Variants in MAGED1 observed in about 807,000 individuals in gnomAD.
MAGED1 encodes the protein MAGE family member D1, also known as melanoma-associated antigen D1.
Under a neutral mutation model 54.1 loss-of-function variants are expected in MAGED1, and 3 were observed. The ratio of observed to expected loss-of-function variants is 0.06; its 90% CI spans 0.03 to 0.14. The LOEUF is 0.14. MAGED1 is among the 10% of genes least tolerant of loss of function. The probability of loss-of-function intolerance (pLI) is 1.00; values close to 1 mark genes in which losing one functional copy is unlikely to be tolerated. For missense variants in MAGED1, 485 were observed against 623.4 expected, an observed-to-expected ratio of 0.78 and a Z score of 2.36; for synonymous variants, 217 against 227.3, an observed-to-expected ratio of 0.95 and a Z score of 0.41.
intron 1 of MAGED1, among the ~76,000 whole-genome samples, chrX:51,886,187 G>A (rs781873054): frequency 1.8e-5 from 2 of 109,206 alleles, no homozygotes; most frequent in East Asian, 3.0e-4. Context: ...CAGTTAGATA[G>A]TAGGAATAAG....
At chrX:51,829,229 G>A (rs1925969477) in intron 1 of MAGED1, among the ~76,000 whole-genome samples, 1 of 111,455 alleles carries the variant, frequency 9.0e-6, no homozygotes, top group South Asian at 3.8e-4. Flanking sequence ...CAAATGTGGC[G>A]AGGAGCTCAG....
intron 1 of MAGED1, among the ~76,000 whole-genome samples, chrX:51,866,027 C>T (rs1254413618): frequency 8.9e-6 from 1 of 111,989 alleles, no homozygotes; most frequent in Non-Finnish European, 1.9e-5. Flanking sequence ...CCTGTGGAAC[C>T]ATAAACTAAT....
Position 51,820,333 on chromosome X carries a change from G to A in MAGED1, c.-37+17216G>A, listed in dbSNP as rs138473314. 7.0e-3 allele frequency among the ~76,000 whole-genome samples: 789 copies of A among 112,049 alleles called. 8 individuals carry two copies. Among genetic ancestry groups the A allele is most frequent in the Non-Finnish European group, 0.012 (632 of 53,164 alleles). The stretch of plus-strand genomic sequence containing the variant: ...ACAGAAGGTATTTAGAATTTCAATA[G>A]GAATTTCAGTGAATCTATAGATCAG... On this transcript the variant is annotated intron_variant, in intron 1 of 12. Coordinates refer to the MAGED1 transcript ENST00000375772.
At chrX:51,879,395 C>CT (rs200523439) in intron 1 of MAGED1, among the ~76,000 whole-genome samples, 2 of 110,319 alleles carry the variant, frequency 1.8e-5, no homozygotes, top group South Asian at 7.6e-4. Flanking sequence ...TTCTCCTTTA[C>CT]TTTTTTTTTC....
chrX:51,863,518 T>C (rs1927354545), intron 1 of MAGED1, among the ~76,000 whole-genome samples: 1 of 112,009 alleles, frequency 8.9e-6, no homozygotes, highest in Non-Finnish European at 1.9e-5. Flanking sequence ...TGCTGGATCA[T>C]ATGTTCAATT....
chrX:51,882,118 A>G (rs1243675443), intron 1 of MAGED1, among the ~76,000 whole-genome samples: 1 of 112,147 alleles, frequency 8.9e-6, no homozygotes, highest in Non-Finnish European at 1.9e-5. Context: ...AAAACTACTT[A>G]TCAAAAAGCC....
intron 1 of MAGED1, among the ~76,000 whole-genome samples, chrX:51,853,214 T>C (rs187188778): frequency 1.9e-3 from 211 of 112,371 alleles, no homozygotes; most frequent in African/African-American, 6.4e-3. Flanking sequence ...TGTTATGGCT[T>C]CCTGTTGCTT....
intron 1 of MAGED1, among the ~76,000 whole-genome samples, chrX:51,839,599 A>AT (rs1254701470): frequency 7.1e-5 from 8 of 111,968 alleles, no homozygotes; most frequent in East Asian, 5.6e-4. Context: ...TTAAGCTTGC[A>AT]TTTTTTTCTA....
chrX:51,884,524 A>G (rs1557362693), intron 1 of MAGED1, among the ~76,000 whole-genome samples: 1 of 112,368 alleles, frequency 8.9e-6, no homozygotes, highest in African/African-American at 3.2e-5. Context: ...GGCCAAAGGA[A>G]GTTCTTATAA....
At chrX:51,877,902 T>C (rs1343381761) in intron 1 of MAGED1, among the ~76,000 whole-genome samples, 1 of 111,902 alleles carries the variant, frequency 8.9e-6, no homozygotes, top group African/African-American at 3.2e-5. Flanking sequence ...GCTGAACTCA[T>C]ATGACTTTTC....
chrX:51,867,170 A>G (rs2146991520), intron 1 of MAGED1, among the ~76,000 whole-genome samples: 1 of 111,829 alleles, frequency 8.9e-6, no homozygotes, highest in African/African-American at 3.2e-5. Context: ...AACCACCATA[A>G]GCAATGGTGA....
chrX:51,822,346 A>AT (rs1395767684), intron 1 of MAGED1, among the ~76,000 whole-genome samples: 9 of 111,108 alleles, frequency 8.1e-5, no homozygotes, highest in South Asian at 3.7e-4. Flanking sequence ...TATTTATAGC[A>AT]TTTTTTTATA....
chrX:51,846,077 G>T (rs945962140), intron 1 of MAGED1, among the ~76,000 whole-genome samples: 2 of 111,614 alleles, frequency 1.8e-5, no homozygotes, highest in African/African-American at 6.5e-5. Context: ...TGCCCGGCCC[G>T]ATGTGAATCT....
In MAGED1 at chrX:51,901,918, C is replaced by T. The variant is rs781787225; in HGVS notation, c.2325C>T (p.Phe775=). The T allele has an allele frequency of 2.5e-6, 3 of 1,205,078 alleles. No homozygotes were observed. The highest frequency in any genetic ancestry group is 3.4e-6 in the Non-Finnish European group (3 of 892,507). The part of the protein sequence containing the change: ...FAANFGAIGF[F]WVE ...CCAACTTTGGTGCCATTGGTTTCTT[C>T]TGGGTTGAGTGAGATGTTGGGTAGG... is the stretch of plus-strand genomic sequence containing the variant. Residue 775 remains phenylalanine, a synonymous_variant, in exon 12 of 13, where the codon TTC becomes TTT. Transcript: ENST00000326587.
chrX:51,873,478 CAG>C (rs1376193665), intron 1 of MAGED1, among the ~76,000 whole-genome samples: 1 of 101,657 alleles, frequency 9.8e-6, no homozygotes, highest in African/African-American at 3.7e-5. Context: ...GATCATGAGT[CAG>C]AGAGAGTCAT....
At chrX:51,855,826 T>C (rs1927066617) in intron 1 of MAGED1, among the ~76,000 whole-genome samples, 1 of 111,656 alleles carries the variant, frequency 9.0e-6, no homozygotes, top group Non-Finnish European at 1.9e-5. Flanking sequence ...GCACCGGGCT[T>C]ATCTCCTCTT....
At chrX:51,843,696 C>T (rs1557358991) in intron 1 of MAGED1, among the ~76,000 whole-genome samples, 2 of 111,368 alleles carry the variant, frequency 1.8e-5, no homozygotes, top group African/African-American at 6.5e-5. Context: ...TTTATATTAG[C>T]AGTAAGAAAC....
Position 51,897,051 on chromosome X carries a change from C to A in MAGED1, c.1396C>A (p.Arg466=), listed in dbSNP as rs782178846. Residue 466 remains arginine, a synonymous_variant, in exon 4 of 13, where the codon CGA becomes AGA. Transcript: ENST00000326587. ...ACAGAACCCAGGTGCTGCACAGCCC[C>A]GAGATGTGGCCCTTCTTCAGGAAAG... The part of the protein sequence containing the change: ...ASQNPGAAQP[R]DVALLQERAN... 7 of 1,211,534 alleles carry A rather than the reference C, an allele frequency of 5.8e-6. No individual in the cohort carries two copies. The highest frequency in any genetic ancestry group is 7.8e-6 in the Non-Finnish European group (7 of 895,281).
chrX:51,823,759 A>G (rs1925729872), intron 1 of MAGED1, among the ~76,000 whole-genome samples: 1 of 110,973 alleles, frequency 9.0e-6, no homozygotes, highest in South Asian at 3.7e-4. Flanking sequence ...TGCCATTTCA[A>G]TTCCCTTGTT....
Sources: allele counts gnomAD v4.1 joint callset (sites outside exome capture counted in the v4.1 genomes callset), GRCh38; gene constraint gnomAD v4.1.1; transcripts MANE v1.5; gene names NCBI Gene and HGNC (gene_info 2026-07-23, HGNC 2026-07-21).